PTBP3: variants seen among roughly 807,000 people sequenced by gnomAD.
PTBP3 encodes the protein polypyrimidine tract binding protein 3.
PTBP3 carries 20 observed loss-of-function variants against 58.7 expected under a neutral mutation model. The observed-to-expected ratio is 0.34, with a 90% CI of 0.24 to 0.50. The LOEUF is 0.50. Ranked by LOEUF, PTBP3 falls within the 20% of genes least tolerant of loss-of-function variation. The pLI, the probability that PTBP3 is intolerant of heterozygous loss-of-function variation, is 0.98. For missense variants in PTBP3, 509 were observed against 637.2 expected, an observed-to-expected ratio of 0.80 and a Z score of 2.17; for synonymous variants, 185 against 219.8, an observed-to-expected ratio of 0.84 and a Z score of 1.40.
At chr9:112,327,319 A>G (rs1830198938) in intron 1 of PTBP3, among the ~76,000 whole-genome samples, 1 of 152,152 alleles carries the variant, frequency 6.6e-6, no homozygotes, top group Non-Finnish European at 1.5e-5. Context: ...TAATCCCAGC[A>G]CTTTGGGAGG....
chr9:112,260,278 A>G (rs1316577474), intron 5 of PTBP3, among the ~76,000 whole-genome samples: 2 of 152,268 alleles, frequency 1.3e-5, no homozygotes, highest in African/African-American at 2.4e-5. Flanking sequence ...ATTAACTCAT[A>G]TAATCCTCGC....
chr9:112,302,582 C>CTTTTTTTTTTTTTTTTTTTTTTTTTT lies in PTBP3; in HGVS notation c.-51-4667_-51-4666insAAAAAAAAAAAAAAAAAAAAAAAAAA, dbSNP rs369208342. On this transcript the variant is annotated intron_variant, in intron 1 of 13. Coordinates refer to ENST00000374257, the MANE Select transcript of PTBP3 (RefSeq NM_001163788.4). Reference sequence around the variant, plus strand: ...CCCAAAAGCTGACTATATTCTTCATCTTTTTTTTTTTTTTTTTTTTTTTGG... The same window carrying CTTTTTTTTTTTTTTTTTTTTTTTTTT: ...CCCAAAAGCTGACTATATTCTTCATCTTTTTTTTTTTTTTTTTTTTTTTTTTTTTTTTTTTTTTTTTTTTTTTTTGG... Among the ~76,000 whole-genome samples the CTTTTTTTTTTTTTTTTTTTTTTTTTT allele has an allele frequency of 6.3e-5, 7 of 110,496 alleles. 1 individual carries two copies. The highest frequency in any genetic ancestry group is 2.2e-4 in the Admixed American group (2 of 9,290). 72.5% of individuals were successfully genotyped at this position (110,496 alleles called of 152,430 possible). A position where few individuals can be genotyped will look rare whatever the true frequency, so the allele number is the denominator to read the frequency against.
At chr9:112,330,643 C>T (rs1697963304) in intron 1 of PTBP3, among the ~76,000 whole-genome samples, 1 of 152,148 alleles carries the variant, frequency 6.6e-6, no homozygotes, top group African/African-American at 2.4e-5. Context: ...ATGAGACAGT[C>T]TAGCAACAGC....
chr9:112,238,099 C>G (rs909577379), intron 7 of PTBP3, among the ~76,000 whole-genome samples: 1 of 151,796 alleles, frequency 6.6e-6, no homozygotes, highest in African/African-American at 2.4e-5. Context: ...ATAACTCATC[C>G]CCACCCTCCC....
chr9:112,259,637 C>T (rs1297383509), intron 5 of PTBP3, among the ~76,000 whole-genome samples: 1 of 152,200 alleles, frequency 6.6e-6, no homozygotes, highest in Non-Finnish European at 1.5e-5. Flanking sequence ...GCATCAATCC[C>T]ATTTCAGTCA....
chr9:112,370,003 C>T, the PTBP3 span, among the ~76,000 whole-genome samples: 1 of 152,174 alleles, frequency 6.6e-6, no homozygotes, highest in Non-Finnish European at 1.5e-5. Context: ...GTAAGACATG[C>T]TTTTGCTCCT....
chr9:112,261,602 G>A (rs1836598664), intron 5 of PTBP3, among the ~76,000 whole-genome samples: 2 of 152,202 alleles, frequency 1.3e-5, no homozygotes, highest in African/African-American at 2.4e-5. Context: ...TGGGCTAAGT[G>A]TAATGAAATG....
intron 2 of PTBP3, among the ~76,000 whole-genome samples, chr9:112,294,409 T>C (rs1010964933): frequency 8.5e-5 from 13 of 152,080 alleles, no homozygotes; most frequent in Admixed American, 7.2e-4. Context: ...TCCCAGCTAC[T>C]TGAGAGGCTG....
rs1293392806 is a variant in PTBP3, at chr9:112,220,877, ATAAACT to A, written c.*2968_*2973del. ...GATGACAATACTCCTTAAAAATAAA[ATAAACT>A]TAAAAATAGGATACTACGGTAGATC... On this transcript the variant is annotated 3_prime_UTR_variant, in exon 14 of 14. Coordinates refer to ENST00000374257, the MANE Select transcript of PTBP3 (RefSeq NM_001163788.4). The A allele has an allele frequency of 1.0e-6, 1 of 969,736 alleles. No homozygotes were observed. The highest frequency in any genetic ancestry group is 1.2e-6 in the Non-Finnish European group (1 of 815,784). The allele number at this position is 969,736 out of a possible 1,614,324, so 60.1% of individuals were successfully genotyped here.
chr9:112,359,296 A>T, the PTBP3 span, among the ~76,000 whole-genome samples: 1 of 151,064 alleles, frequency 6.6e-6, no homozygotes, highest in Non-Finnish European at 1.5e-5. Context: ...AGAAAAAAAA[A>T]ATTAGCCGGG....
At chr9:112,358,967 T>C in the PTBP3 span, among the ~76,000 whole-genome samples, 2 of 152,150 alleles carry the variant, frequency 1.3e-5, no homozygotes, top group African/African-American at 4.8e-5. Context: ...CCTGAGTATA[T>C]GGGACCACAG....
intron 7 of PTBP3, among the ~76,000 whole-genome samples, chr9:112,237,933 G>A (rs1343142504): frequency 6.6e-6 from 1 of 152,122 alleles, no homozygotes; most frequent in East Asian, 1.9e-4. Context: ...TACATTTCTT[G>A]GAAGTCCAAA....
chr9:112,336,475 C>A (rs181264524), upstream of PTBP3, among the ~76,000 whole-genome samples: 23 of 148,686 alleles, frequency 1.5e-4, no homozygotes, highest in African/African-American at 4.7e-4. Context: ...TTTACAGTTT[C>A]TTTATTTAAA....
At chr9:112,252,582 C>T (rs1320230157) in intron 6 of PTBP3, 96 bp downstream of exon 6, 1 of 922,134 alleles carries the variant, frequency 1.1e-6, no homozygotes, top group Non-Finnish European at 1.7e-6. Flanking sequence ...TATATTTTGC[C>T]ACAATTTTTT....
chr9:112,301,133 T>C (rs7869209), intron 1 of PTBP3, among the ~76,000 whole-genome samples: 80,795 of 151,810 alleles, frequency 0.53, 22,535 homozygotes, highest in African/African-American at 0.71. Flanking sequence ...AACTGGTACC[T>C]AGAACACCTA....
intron 2 of PTBP3, among the ~76,000 whole-genome samples, chr9:112,279,249 T>C (rs1292393644): frequency 6.6e-6 from 1 of 152,096 alleles, no homozygotes; most frequent in African/African-American, 2.4e-5. Flanking sequence ...AAAAGGACAG[T>C]TTTCAAAAAT....
intron 2 of PTBP3, among the ~76,000 whole-genome samples, chr9:112,278,809 T>C (rs1171894738): frequency 3.9e-5 from 6 of 152,220 alleles, no homozygotes; most frequent in African/African-American, 1.4e-4. Context: ...CAAGAATATT[T>C]TGAAATTTTA....
intron 1 of PTBP3, among the ~76,000 whole-genome samples, chr9:112,304,349 G>A (rs930650438): frequency 6.6e-6 from 1 of 152,166 alleles, no homozygotes. Flanking sequence ...AGAAAAAAAA[G>A]GAAAAATTTT....
At chr9:112,260,129 G>C (rs932508566) in intron 5 of PTBP3, among the ~76,000 whole-genome samples, 7 of 152,246 alleles carry the variant, frequency 4.6e-5, no homozygotes, top group Middle Eastern at 6.8e-3. Context: ...GGCTGGAGTT[G>C]AACTCCTGAC....
Sources: gnomAD v4.1 joint callset for allele counts (sites outside exome capture counted in the v4.1 genomes callset) on GRCh38, gnomAD v4.1.1 for gene constraint, MANE v1.5 for transcripts, NCBI Gene and HGNC (gene_info 2026-07-23, HGNC 2026-07-21) for gene names.